Variants in ANO4 observed in about 807,000 individuals in gnomAD.
ANO4 encodes anoctamin 4, also known as anoctamin-4.
In ANO4, 69 loss-of-function variants were observed where a neutral mutation model predicts 141.9. The ratio of observed to expected loss-of-function variants is 0.49; its 90% CI spans 0.40 to 0.59. The LOEUF is 0.59. Ranked by LOEUF, ANO4 falls within the 20% of genes least tolerant of loss-of-function variation. ANO4 has a pLI of 0.00. For missense variants in ANO4, 894 were observed against 1,162.2 expected, an observed-to-expected ratio of 0.77 and a Z score of 3.36; for synonymous variants, 350 against 394.3, an observed-to-expected ratio of 0.89 and a Z score of 1.33.
At chr12:100,794,089 C>G (rs2034159753), upstream of ANO4, among the ~76,000 whole-genome samples, 1 of 152,176 alleles carries the variant, frequency 6.6e-6, no homozygotes, top group Non-Finnish European at 1.5e-5. Flanking sequence ...CTATATTATA[C>G]AAGAAAACTA....
rs549943501 is a variant in ANO4, at chr12:100,730,593, C to G, written c.23-3181C>G. Among the ~76,000 whole-genome samples the G allele has an allele frequency of 4.6e-5, 7 of 152,270 alleles. No individual in the cohort carries two copies. The East Asian group carries it at 1.2e-3, about 25-fold the overall frequency. On this transcript the variant is annotated intron_variant, in intron 1 of 29. Coordinates refer to the ANO4 transcript ENST00000644049. ...ACATTCATTGAGCATTTACCTTATGCCAGCCACAGCACTAAACTCTGGAAA... is the reference window on the plus strand; with the variant it reads ...ACATTCATTGAGCATTTACCTTATGGCAGCCACAGCACTAAACTCTGGAAA...
chr12:100,809,578 G>A (rs1297650444), intron 1 of ANO4, among the ~76,000 whole-genome samples: 1 of 152,188 alleles, frequency 6.6e-6, no homozygotes, highest in Non-Finnish European at 1.5e-5. Flanking sequence ...TCCAGACAGA[G>A]AAACTAGCAA....
intron 8 of ANO4, among the ~76,000 whole-genome samples, chr12:100,994,650 AAATTAAATACCAGTTCTTAAGAGAAGAAT>A (rs1465302763): frequency 4.6e-5 from 7 of 152,312 alleles, no homozygotes; most frequent in Non-Finnish European, 8.8e-5. Flanking sequence ...AATTGAGGTT[AAATTAAATACCAGTTCTTAAGAGAAGAAT>A]ATGAAATTTA....
At chr12:101,105,821 T>C (rs1278392941) in intron 22 of ANO4, among the ~76,000 whole-genome samples, 1 of 152,240 alleles carries the variant, frequency 6.6e-6, no homozygotes, top group African/African-American at 2.4e-5. Flanking sequence ...TCATTTGATA[T>C]GTTTAATAGC....
Position 100,729,370 on chromosome 12 carries a change from A to C in ANO4, c.23-4404A>C, listed in dbSNP as rs1383489370. On this transcript the variant is annotated intron_variant, in intron 1 of 29. Coordinates refer to the ANO4 transcript ENST00000644049. ...GGCAAAACTCTGTCTCAAAAAAAAA[A>C]AAAAAAAAAAAAAAAAAAAAGGTAA... is the stretch of plus-strand genomic sequence containing the variant. Among the ~76,000 whole-genome samples, 4 of 148,156 alleles carry C rather than the reference A, an allele frequency of 2.7e-5. No individual in the cohort carries two copies. The East Asian group carries it at 7.8e-4, about 29-fold the overall frequency.
intron 3 of ANO4, among the ~76,000 whole-genome samples, chr12:100,753,857 T>C (rs1291230490): frequency 3.3e-5 from 5 of 152,352 alleles, no homozygotes; most frequent in East Asian, 1.9e-4. Flanking sequence ...TGGTTGTCTA[T>C]TGGACGTGTT....
chr12:100,936,177 A>C (rs546529965), intron 3 of ANO4, among the ~76,000 whole-genome samples: 2 of 152,322 alleles, frequency 1.3e-5, no homozygotes, highest in South Asian at 4.1e-4. Flanking sequence ...CTGATGGGAA[A>C]GAAAGAGCTC....
At chr12:100,903,604 G>A (rs967113008) in intron 2 of ANO4, among the ~76,000 whole-genome samples, 1 of 152,174 alleles carries the variant, frequency 6.6e-6, no homozygotes. Flanking sequence ...TAGAAAGTAT[G>A]TACTAGAGAC....
intron 4 of ANO4, among the ~76,000 whole-genome samples, chr12:100,940,616 T>C (rs2042470203): frequency 6.6e-6 from 1 of 152,204 alleles, no homozygotes; most frequent in African/African-American, 2.4e-5. Context: ...CATCAAGACA[T>C]GGTACATGGT....
At chr12:100,960,836 A>G (rs1200651937) in intron 5 of ANO4, among the ~76,000 whole-genome samples, 1 of 152,196 alleles carries the variant, frequency 6.6e-6, no homozygotes, top group East Asian at 1.9e-4. Context: ...TACTGTGATG[A>G]TAAAGTTGTC....
At chr12:101,076,543 G>A (rs1025276946) in intron 14 of ANO4, among the ~76,000 whole-genome samples, 4 of 152,190 alleles carry the variant, frequency 2.6e-5, no homozygotes, top group Admixed American at 6.5e-5. Context: ...GAAGAAGGGT[G>A]ATGGAATAAT....
chr12:100,994,240 G>A (rs1446724414), intron 8 of ANO4, among the ~76,000 whole-genome samples: 1 of 152,108 alleles, frequency 6.6e-6, no homozygotes, highest in East Asian at 1.9e-4. Flanking sequence ...CCCATTCTCT[G>A]TGATAAATTA....
At chr12:101,091,670 C>T (rs2049781887) in intron 17 of ANO4, among the ~76,000 whole-genome samples, 1 of 152,070 alleles carries the variant, frequency 6.6e-6, no homozygotes, top group South Asian at 2.1e-4. Context: ...TACTTTTCTT[C>T]CAAAGGTAAT....
At chr12:100,840,534 T>G (rs1324389352) in intron 1 of ANO4, among the ~76,000 whole-genome samples, 1 of 152,180 alleles carries the variant, frequency 6.6e-6, no homozygotes, top group Non-Finnish European at 1.5e-5. Flanking sequence ...GGATGGAACC[T>G]AGATTGGGTG....
intron 9 of ANO4, among the ~76,000 whole-genome samples, chr12:101,024,991 C>T (rs1253129696): frequency 6.6e-6 from 1 of 152,170 alleles, no homozygotes; most frequent in East Asian, 1.9e-4. Context: ...GGATCTAAAG[C>T]ATAGGTAGCA....
chr12:100,781,867 C>T (rs1266495241), intron 3 of ANO4, among the ~76,000 whole-genome samples: 3 of 152,186 alleles, frequency 2.0e-5, no homozygotes, highest in African/African-American at 7.2e-5. Context: ...TTCTTATCAG[C>T]ATGAGATAAT....
At chr12:100,921,975 T>A (rs537910599) in intron 2 of ANO4, among the ~76,000 whole-genome samples, 1 of 152,234 alleles carries the variant, frequency 6.6e-6, no homozygotes, top group South Asian at 2.1e-4. Flanking sequence ...ATGAAGTGTG[T>A]TTCCTTATAA....
At chr12:101,021,207 T>A (rs777150117) in intron 9 of ANO4, among the ~76,000 whole-genome samples, 1 of 152,134 alleles carries the variant, frequency 6.6e-6, no homozygotes, top group East Asian at 1.9e-4. Context: ...CTCGAGTGGC[T>A]CCAAGGAAGT....
intron 7 of ANO4, among the ~76,000 whole-genome samples, chr12:100,981,459 G>A (rs77979132): frequency 0.031 from 4,680 of 150,724 alleles, 181 homozygotes; most frequent in East Asian, 0.2. Context: ...AGGAAGGAAG[G>A]AAGAAAGGAA....
Sources: gnomAD v4.1 joint callset for allele counts (sites outside exome capture counted in the v4.1 genomes callset) on GRCh38, gnomAD v4.1.1 for gene constraint, MANE v1.5 for transcripts, NCBI Gene and HGNC (gene_info 2026-07-23, HGNC 2026-07-21) for gene names.